KIAA1217: variants seen among roughly 807,000 people sequenced by gnomAD.
KIAA1217 encodes KIAA1217.
In KIAA1217, 88 loss-of-function variants were observed where a neutral mutation model predicts 163.9. The observed-to-expected ratio is 0.54, with a 90% CI of 0.45 to 0.64. The LOEUF (loss-of-function observed/expected upper bound fraction) is 0.64, where lower values mean the gene tolerates loss of function less well. KIAA1217 is among the 30% of genes least tolerant of loss of function. The pLI, the probability that KIAA1217 is intolerant of heterozygous loss-of-function variation, is 0.00. For synonymous variants in KIAA1217, 903 were observed against 923.1 expected (o/e 0.98, Z 0.39); for missense variants, 2,372 against 2,475.0 (o/e 0.96, Z 0.88).
At chr10:24,257,976 G>T (rs551738081) in intron 2 of KIAA1217, among the ~76,000 whole-genome samples, 41 of 151,990 alleles carry the variant, frequency 2.7e-4, no homozygotes, top group African/African-American at 9.4e-4. Context: ...AGCAGAGAGG[G>T]GTTCCTCCCA....
intron 2 of KIAA1217, among the ~76,000 whole-genome samples, chr10:24,257,650 A>G (rs749357874): frequency 5.9e-5 from 9 of 152,142 alleles, no homozygotes; most frequent in Non-Finnish European, 1.2e-4. Flanking sequence ...CCTTCCCTAA[A>G]TGGCAGATGA....
chr10:24,318,929 T>C (rs2043761007), intron 2 of KIAA1217, among the ~76,000 whole-genome samples: 1 of 152,232 alleles, frequency 6.6e-6, no homozygotes, highest in Non-Finnish European at 1.5e-5. Flanking sequence ...GAGTTCGCTG[T>C]GGCATCCCAT....
chr10:24,327,038 C>T (rs1012853426), intron 2 of KIAA1217, among the ~76,000 whole-genome samples: 1 of 152,120 alleles, frequency 6.6e-6, no homozygotes, highest in Non-Finnish European at 1.5e-5. Context: ...CAAAACACAG[C>T]ACAAAATATT....
At chr10:24,427,015 A>G (rs1202575439) in intron 3 of KIAA1217, among the ~76,000 whole-genome samples, 4 of 152,172 alleles carry the variant, frequency 2.6e-5, no homozygotes, top group African/African-American at 9.7e-5. Flanking sequence ...CACAAGTGTG[A>G]CCTGCCAACT....
At chr10:23,957,799 C>T (rs1292183980) in intron 1 of KIAA1217, among the ~76,000 whole-genome samples, 1 of 152,186 alleles carries the variant, frequency 6.6e-6, no homozygotes, top group Admixed American at 6.5e-5. Context: ...CACCTTTGAA[C>T]ACCCTTTGCT....
At chr10:24,247,267 G>A (rs1009819306) in intron 2 of KIAA1217, among the ~76,000 whole-genome samples, 4 of 151,740 alleles carry the variant, frequency 2.6e-5, no homozygotes, top group African/African-American at 9.7e-5. Flanking sequence ...CATCACCCAG[G>A]TATTATTTTA....
intron 2 of KIAA1217, among the ~76,000 whole-genome samples, chr10:24,345,608 T>C (rs900485338): frequency 1.3e-5 from 2 of 152,206 alleles, no homozygotes; most frequent in East Asian, 1.9e-4. Context: ...TGTGACTAAA[T>C]ATACAGGCAA....
At position 23,874,707 on chromosome 10, in the gene KIAA1217, G is replaced by T. The variant is rs527292296; in HGVS notation, c.-320-132518G>T. 3.9e-5 allele frequency among the ~76,000 whole-genome samples: 6 copies of T among 151,914 alleles called. No homozygotes were observed. In the South Asian group the frequency reaches 1.2e-3, roughly 32 times the overall value. On this transcript the variant is annotated intron_variant, in intron 1 of 18. Transcript: ENST00000376462. Reference sequence around the variant, plus strand: ...AGTGGAGTCCAAATATCGTATTTTTGATTCTAATGTTCAGCCAGAATTAAG... The same window carrying T: ...AGTGGAGTCCAAATATCGTATTTTTTATTCTAATGTTCAGCCAGAATTAAG...
chr10:24,128,051 C>T (rs1346347491), intron 2 of KIAA1217, among the ~76,000 whole-genome samples: 1 of 152,212 alleles, frequency 6.6e-6, no homozygotes, highest in East Asian at 1.9e-4. Context: ...TAAGTATCTA[C>T]AACAAATTAT....
At chr10:24,340,375 A>C (rs1044320046) in intron 2 of KIAA1217, among the ~76,000 whole-genome samples, 4 of 152,138 alleles carry the variant, frequency 2.6e-5, no homozygotes, top group Non-Finnish European at 5.9e-5. Flanking sequence ...ATAAAGGGTT[A>C]ACCCTTTCAC....
intron 3 of KIAA1217, among the ~76,000 whole-genome samples, chr10:24,395,870 C>T (rs1410219660): frequency 3.9e-5 from 6 of 151,976 alleles, no homozygotes; most frequent in African/African-American, 1.5e-4. Context: ...TTTGTAGGGA[C>T]GGGGGTCTCA....
At chr10:24,416,966 C>T (rs1340437394) in intron 3 of KIAA1217, among the ~76,000 whole-genome samples, 2 of 152,166 alleles carry the variant, frequency 1.3e-5, no homozygotes, top group African/African-American at 4.8e-5. Flanking sequence ...CTTATTCCTT[C>T]AGGACTTATA....
chr10:23,916,407 T>C (rs1343044834), intron 1 of KIAA1217, among the ~76,000 whole-genome samples: 1 of 152,222 alleles, frequency 6.6e-6, no homozygotes, highest in Non-Finnish European at 1.5e-5. Flanking sequence ...GTTCCTTTTC[T>C]GCAATCCCAC....
At chr10:23,706,318 T>G (rs1836880518) in intron 1 of KIAA1217, among the ~76,000 whole-genome samples, 1 of 152,208 alleles carries the variant, frequency 6.6e-6, no homozygotes, top group Admixed American at 6.5e-5. Context: ...TAAACAGAAG[T>G]AGCACAGGTG....
At chr10:23,865,789 A>T (rs1459765229) in intron 1 of KIAA1217, among the ~76,000 whole-genome samples, 1 of 152,158 alleles carries the variant, frequency 6.6e-6, no homozygotes, top group Non-Finnish European at 1.5e-5. Context: ...AAGGTTATTA[A>T]ATTTCAATGA....
chr10:24,507,617 GA>G (rs1317188527), intron 9 of KIAA1217, among the ~76,000 whole-genome samples: 1 of 152,024 alleles, frequency 6.6e-6, no homozygotes, highest in African/African-American at 2.4e-5. Context: ...AGAGACTAAA[GA>G]AAATGAATTA....
chr10:24,410,669 T>C (rs1270420919), intron 3 of KIAA1217, among the ~76,000 whole-genome samples: 1 of 152,250 alleles, frequency 6.6e-6, no homozygotes, highest in East Asian at 1.9e-4. Context: ...CCAACATTGA[T>C]TGGATAGTAT....
intron 3 of KIAA1217, among the ~76,000 whole-genome samples, chr10:24,397,494 A>G (rs947662676): frequency 1.3e-5 from 2 of 152,240 alleles, no homozygotes; most frequent in Non-Finnish European, 2.9e-5. Context: ...ACCAACCAGC[A>G]AAGCCAAGAT....
intron 1 of KIAA1217, among the ~76,000 whole-genome samples, chr10:23,717,328 A>G (rs1837631632): frequency 1.3e-5 from 2 of 152,070 alleles, no homozygotes; most frequent in South Asian, 4.1e-4. Flanking sequence ...TGCAATTGCT[A>G]ATAAGAGCTA....
Sources: gnomAD v4.1 joint callset for allele counts (sites outside exome capture counted in the v4.1 genomes callset) on GRCh38, gnomAD v4.1.1 for gene constraint, MANE v1.5 for transcripts, NCBI Gene and HGNC (gene_info 2026-07-23, HGNC 2026-07-21) for gene names.